The following C4orf50 variants were observed in gnomAD, a reference collection of about 807,000 sequenced individuals.
C4orf50 encodes chromosome 4 open reading frame 50.
C4orf50 carries 80 observed loss-of-function variants against 77.2 expected under a neutral mutation model. The ratio of observed to expected loss-of-function variants is 1.04; its 90% confidence interval spans 0.87 to 1.25. The LOEUF (loss-of-function observed/expected upper bound fraction) is 1.25, where lower values mean the gene tolerates loss of function less well. Ranked by LOEUF, C4orf50 falls within the 50% of genes most tolerant of loss-of-function variation. The pLI is 0.00. For missense variants in C4orf50, 1,257 were observed against 1,152.9 expected (o/e 1.09, Z -1.31); for synonymous variants, 532 against 465.3 (o/e 1.14, Z -1.84).
Position 5,978,887 on chromosome 4 carries a change from T to C in C4orf50, c.3864+1287A>G, listed in dbSNP as rs116476206. Among the ~76,000 whole-genome samples the C allele has an allele frequency of 7.0e-3, 1,072 of 152,358 alleles. 9 individuals are homozygous for C. The highest frequency in any genetic ancestry group is 0.024 in the African/African-American group (1,016 of 41,574). Reference sequence around the variant, plus strand: ...ATTACCACACAGTCAAATAATCATATGTATGAGGACTATGCAGCCACATGG... The same window carrying C: ...ATTACCACACAGTCAAATAATCATACGTATGAGGACTATGCAGCCACATGG... On this transcript the variant is annotated intron_variant, in intron 29 of 33. Coordinates refer to ENST00000531445, the Ensembl canonical transcript of C4orf50.
rs1411649286 is a variant in C4orf50, at chr4:5,989,333, T to C, written c.2713A>G (p.Ser905Gly). The change falls in exon 28 of 34, where the codon AGC (serine) becomes GGC (glycine). Residue 905 changes from serine (S) to glycine (G), a missense_variant. Transcript: ENST00000531445. ...GCAGGCCCCTGTGGAGGGTTTGGGC[T>C]GGCTTCATCCCAATGAGGCAGTGTC... The C allele has an allele frequency of 2.0e-6, 3 of 1,536,096 alleles. No homozygotes were observed. In the East Asian group the frequency reaches 7.3e-5, roughly 38 times the overall value.
intron 7 of C4orf50, among the ~76,000 whole-genome samples, chr4:5,921,611 G>A (rs1470006390): frequency 6.6e-6 from 1 of 152,262 alleles, no homozygotes; most frequent in Middle Eastern, 3.4e-3. Flanking sequence ...GGGAGATGCT[G>A]AGTGTGTTTC....
At chr4:6,005,699 A>G (rs1722221116) in intron 25 of C4orf50, among the ~76,000 whole-genome samples, 1 of 152,258 alleles carries the variant, frequency 6.6e-6, no homozygotes, top group African/African-American at 2.4e-5. Context: ...CCTAAGGATT[A>G]CATGAGAAAA....
chr4:5,943,134 A>G (rs1219237845), intron 7 of C4orf50, among the ~76,000 whole-genome samples: 1 of 152,246 alleles, frequency 6.6e-6, no homozygotes, highest in Admixed American at 6.5e-5. Flanking sequence ...CTGAGCCAGA[A>G]TCGATGCTCA....
intron 7 of C4orf50, among the ~76,000 whole-genome samples, chr4:5,924,524 T>C (rs1577893435): frequency 6.6e-6 from 1 of 152,068 alleles, no homozygotes; most frequent in East Asian, 2.0e-4. Flanking sequence ...TGAGCAAGGG[T>C]AGAGAAACCT....
intron 28 of C4orf50, among the ~76,000 whole-genome samples, chr4:5,987,512 A>T (rs1483852876): frequency 2.0e-5 from 3 of 151,672 alleles, no homozygotes; most frequent in Non-Finnish European, 1.5e-5. Flanking sequence ...GTAAAAACAG[A>T]TTCTTTGAAA....
In C4orf50 at chr4:5,973,692, G is replaced by C; in HGVS notation, c.4071C>G (p.Tyr1357Ter). The C allele has an allele frequency of 1.2e-6, 2 of 1,613,860 alleles. No homozygotes were observed. The highest frequency in any genetic ancestry group is 1.7e-6 in the Non-Finnish European group (2 of 1,179,906). Residue 1357 changes from tyrosine to a stop codon, truncating the protein, a stop_gained, in exon 31 of 34, where the codon TAC becomes TAG. Coordinates refer to ENST00000531445, the Ensembl canonical transcript of C4orf50. LOFTEE classifies it high-confidence loss of function. The stretch of plus-strand genomic sequence containing the variant: ...CTCCCGGAGCCAGGAAGGTGGCCGT[G>C]TACTCAGCCAGTGCCACGTCGTTGA...
At chr4:5,914,693 G>A (rs988973791) in intron 7 of C4orf50, among the ~76,000 whole-genome samples, 23 of 152,204 alleles carry the variant, frequency 1.5e-4, no homozygotes, top group Admixed American at 3.9e-4. Flanking sequence ...CTCATTTTTC[G>A]TTTGTTAGAA....
rs1321732283 is a variant in C4orf50 at position 5,905,036 on chromosome 4, C to T, written c.*2475-6848G>A. 1.3e-5 allele frequency: 2 copies of T among 152,172 alleles called. No homozygotes were observed. Among genetic ancestry groups the T allele is most frequent in the Admixed American group, 1.3e-4 (2 of 15,278 alleles). 9.4% of individuals were successfully genotyped at this position (152,172 alleles called of 1,614,324 possible). On this transcript the variant is annotated intron_variant, in intron 7 of 7. Coordinates refer to the C4orf50 transcript ENST00000324058. This position sits in a 1 kb window ranked among gnomAD's most constrained non-coding sequence, Gnocchi z 5.4. The stretch of plus-strand genomic sequence containing the variant: ...ATCTTACAGTGTTCAGGTGCTTTTC[C>T]AGCCATTAGCTCATTTGGTTGTCAG...
intron 29 of C4orf50, among the ~76,000 whole-genome samples, chr4:5,977,369 C>A (rs1044045769): frequency 3.9e-5 from 6 of 152,174 alleles, no homozygotes; most frequent in African/African-American, 1.2e-4. Flanking sequence ...GACCAACATA[C>A]CTATATGGAT....
rs1207974269 is a variant in C4orf50, at chr4:5,914,205, G to GTTT, written c.*2475-16020_*2475-16018dup. On this transcript the variant is annotated intron_variant, in intron 7 of 7. Coordinates refer to the C4orf50 transcript ENST00000324058. ...AGATTTTGTTTTTGTTTTTATGGGT[G>GTTT]TTTTTTTTTTTTTTTTTTTTTTGGA... 8.5e-3 allele frequency among the ~76,000 whole-genome samples: 661 copies of GTTT among 77,780 alleles called. 6 individuals are homozygous for GTTT. The highest frequency in any genetic ancestry group is 0.012 in the African/African-American group (287 of 24,162). The allele number at this position is 77,780 out of a possible 152,430, so 51.0% of individuals were successfully genotyped here.
At chr4:5,960,421 A>G (rs1482917230) in intron 33 of C4orf50, among the ~76,000 whole-genome samples, 3 of 152,222 alleles carry the variant, frequency 2.0e-5, no homozygotes, top group African/African-American at 7.2e-5. Flanking sequence ...ACAGATGAGC[A>G]GAATGGAGCC....
Position 6,008,655 on chromosome 4 carries a change from T to G in C4orf50, c.427-123A>C, listed in dbSNP as rs1722356127. ...ATGGTGCGTTTTTGCATTTTGTGCA[T>G]TGTAATAGTGCATCAAAGTATTATC... On this transcript the variant is annotated intron_variant, in intron 24 of 33. Transcript: ENST00000531445. The surrounding 1 kb of genome is among the most constrained non-coding windows in gnomAD (Gnocchi z 6.0). 3 of 392,378 alleles carry G rather than the reference T, an allele frequency of 7.6e-6. No individual in the cohort carries two copies. In the Admixed American group the frequency reaches 1.3e-4, roughly 17 times the overall value. The allele number at this position is 392,378 out of a possible 1,614,324, so 24.3% of individuals were successfully genotyped here.
chr4:5,982,836 G>A (rs1310920625), intron 28 of C4orf50, among the ~76,000 whole-genome samples: 1 of 152,132 alleles, frequency 6.6e-6, no homozygotes, highest in Non-Finnish European at 1.5e-5. Context: ...AGGAGACCTA[G>A]AGGAGAAAGC....
intron 28 of C4orf50, among the ~76,000 whole-genome samples, chr4:5,982,621 C>A (rs1318075022): frequency 6.6e-6 from 1 of 152,174 alleles, no homozygotes; most frequent in African/African-American, 2.4e-5. Flanking sequence ...GGGACAGTAC[C>A]AATTTGTAGC....
intron 23 of C4orf50, among the ~76,000 whole-genome samples, chr4:6,014,532 C>G (rs1466786845): frequency 2.0e-5 from 3 of 152,234 alleles, no homozygotes; most frequent in Non-Finnish European, 2.9e-5. Flanking sequence ...TGCTTCAACT[C>G]TTTAATTAAT....
chr4:6,003,900 G>GATT (rs1577991050), intron 25 of C4orf50, among the ~76,000 whole-genome samples: 2 of 97,828 alleles, frequency 2.0e-5, no homozygotes, highest in East Asian at 9.6e-4. Context: ...GTGATGATGT[G>GATT]ATGGTGATGT....
chr4:5,944,164 T>TC (rs1482222580), intron 7 of C4orf50, among the ~76,000 whole-genome samples: 4 of 152,178 alleles, frequency 2.6e-5, no homozygotes, highest in Non-Finnish European at 5.9e-5. Context: ...TCCTGGTTCC[T>TC]CCCTCCCCAT....
At position 6,007,608 on chromosome 4, in the gene C4orf50, G is replaced by A. The variant is rs1722297653; in HGVS notation, c.963+388C>T. On this transcript the variant is annotated intron_variant, in intron 25 of 33. Coordinates refer to ENST00000531445, the Ensembl canonical transcript of C4orf50. The surrounding 1 kb of genome is among the most constrained non-coding windows in gnomAD (Gnocchi z 4.1). Reference sequence around the variant, plus strand: ...AGATTTCAACAATGGGAAAACAAGTGGTTTAGTAAGTGGGCTCATAAGTGG... The same window carrying A: ...AGATTTCAACAATGGGAAAACAAGTAGTTTAGTAAGTGGGCTCATAAGTGG... Among the ~76,000 whole-genome samples the A allele has an allele frequency of 6.6e-6, 1 of 152,130 alleles. No homozygotes were observed. Among genetic ancestry groups the A allele is most frequent in the Non-Finnish European group, 1.5e-5 (1 of 68,028 alleles).
Sources: gnomAD v4.1 joint callset for allele counts (sites outside exome capture counted in the v4.1 genomes callset) on GRCh38, gnomAD v4.1.1 for gene constraint, Gnocchi (gnomAD v3.1) non-coding constraint, MANE v1.5 for transcripts, NCBI Gene and HGNC (gene_info 2026-07-23, HGNC 2026-07-21) for gene names.